PNPLA6: variants seen among roughly 807,000 people sequenced by gnomAD.
PNPLA6 encodes patatin like domain 6, lysophospholipase.
A neutral mutation model predicts 153.7 loss-of-function variants in PNPLA6; 105 were observed. The ratio of observed to expected loss-of-function variants is 0.68; its 90% CI spans 0.58 to 0.80. The LOEUF is 0.80. Among genes scored for constraint, PNPLA6 ranks in the 30% least tolerant of loss-of-function variants. The probability of loss-of-function intolerance (pLI) is 0.00; values close to 1 mark genes in which losing one functional copy is unlikely to be tolerated. For missense variants in PNPLA6, 1,423 were observed against 1,919.3 expected (o/e 0.74, Z 4.83); for synonymous variants, 825 against 822.2 (o/e 1.00, Z -0.06).
chr19:7,543,045 C>T lies in PNPLA6; in HGVS notation c.1569C>T (p.His523=), dbSNP rs753311777. The part of the protein sequence containing the change: ...SLLNSRVLLH[H]AKAGTIIARQ... ...TGAACAGCAGAGTCTTGCTGCACCA[C>T]GCCAAAGCTGGCACCATCATTGCCC... The change falls in exon 13 of 32, where the codon CAC becomes CAT. Residue 523 remains histidine, a synonymous_variant. Coordinates refer to ENST00000600737, the MANE Select transcript of PNPLA6 (RefSeq NM_001166114.2). 1.2e-5 allele frequency: 19 copies of T among 1,613,916 alleles called. No individual in the cohort carries two copies. In the Admixed American group the frequency reaches 1.3e-4, roughly 11 times the overall value.
rs756231007 is a variant in PNPLA6 at position 7,542,758 on chromosome 19, C to T, written c.1363-3C>T. 1 of 1,612,952 alleles carries T rather than the reference C, an allele frequency of 6.2e-7. No individual in the cohort carries two copies. The highest frequency in any genetic ancestry group is 8.5e-7 in the Non-Finnish European group (1 of 1,179,928). On this transcript the variant is annotated splice_region_variant and splice_polypyrimidine_tract_variant and intron_variant, in intron 11 of 31. Coordinates refer to ENST00000600737, the MANE Select transcript of PNPLA6 (RefSeq NM_001166114.2). The stretch of plus-strand genomic sequence containing the variant: ...CAGGAGGTCACAAGCCTGCCCCACT[C>T]AGACCCCCACTCAGGAGCCTCGTGA...
chr19:7,540,252 G>T lies in PNPLA6; in HGVS notation c.658G>T (p.Asp220Tyr). ...GDYVFRPGQP[D>Y]ASIYVVQDGL... is the part of the protein sequence containing the mutation. ...CTACGTCTTCCGGCCGGGCCAGCCA[G>T]ATGCCAGCATCTACGTGGTGCAGGA... Residue 220 changes from aspartate (D) to tyrosine (Y), a missense_variant, in exon 5 of 32, where the codon GAT becomes TAT. Around this residue, in one of 10 missense-constraint regions of PNPLA6, gnomAD observed 118 missense variants for 158.8 expected, o/e 0.74. Coordinates refer to ENST00000600737, the MANE Select transcript of PNPLA6 (RefSeq NM_001166114.2). This position sits in a 1 kb window ranked among gnomAD's most constrained non-coding sequence, Gnocchi z 6.8. 6.2e-7 allele frequency: 1 copy of T among 1,609,368 alleles called. No individual in the cohort carries two copies.
rs575912353 is a variant in PNPLA6 at position 7,537,143 on chromosome 19, T to C, written c.413+597T>C. ...TCAATATCTCAGAGGTCTTGCCATA[T>C]ACTTAGTGGGGGGGTCTACATCAGG... On this transcript the variant is annotated intron_variant, in intron 3 of 31. Coordinates refer to ENST00000600737, the MANE Select transcript of PNPLA6 (RefSeq NM_001166114.2). Among the ~76,000 whole-genome samples, 6 of 152,216 alleles carry C rather than the reference T, an allele frequency of 3.9e-5. No individual in the cohort carries two copies. The East Asian group carries it at 1.2e-3, about 29-fold the overall frequency.
intron 27 of PNPLA6, 151 bp downstream of exon 27, chr19:7,557,435 C>T (rs1301567708): frequency 2.9e-6 from 2 of 689,876 alleles, no homozygotes; most frequent in Non-Finnish European, 5.3e-6. Context: ...CACATACGAT[C>T]ACTTGCACAA....
rs1487510973 is a variant in PNPLA6, at chr19:7,555,769, T to C, written c.3093+6T>C. 1.9e-6 allele frequency: 3 copies of C among 1,612,986 alleles called. No homozygotes were observed. The highest frequency in any genetic ancestry group is 2.5e-6 in the Non-Finnish European group (3 of 1,179,812). On this transcript the variant is annotated splice_donor_region_variant and intron_variant, in intron 24 of 31. Coordinates refer to ENST00000600737, the MANE Select transcript of PNPLA6 (RefSeq NM_001166114.2). This position sits in a 1 kb window ranked among gnomAD's most constrained non-coding sequence, Gnocchi z 6.3. Reference sequence around the variant, plus strand: ...GGGCCCGGGAGTGGGCCAAGGTGTGTGTTGCGAGGAGGGATTGCTGCACCC... The same window carrying C: ...GGGCCCGGGAGTGGGCCAAGGTGTGCGTTGCGAGGAGGGATTGCTGCACCC...
At chr19:7,546,511 G>A (rs959805949) in intron 13 of PNPLA6, among the ~76,000 whole-genome samples, 2 of 152,180 alleles carry the variant, frequency 1.3e-5, no homozygotes, top group Non-Finnish European at 1.5e-5. Context: ...GCGCATGCCT[G>A]TAGTCCCAGC....
At chr19:7,561,346 A>C in intron 31 of PNPLA6, 29 bp downstream of exon 31, 1 of 1,527,080 alleles carries the variant, frequency 6.5e-7, no homozygotes, top group Non-Finnish European at 9.0e-7. Context: ...GGGTCCCCTC[A>C]CATCCCCCAG....
At chr19:7,549,768 T>G in intron 13 of PNPLA6, 139 bp from the exon 14 acceptor site, 2 of 830,876 alleles carry the variant, frequency 2.4e-6, no homozygotes, top group Non-Finnish European at 3.9e-6. Flanking sequence ...ATTACAGCCG[T>G]GAGCCACCGC....
Position 7,556,392 on chromosome 19 carries a change from T to C in PNPLA6, c.3094-61T>C, listed in dbSNP as rs555332354. 302 of 1,026,664 alleles carry C rather than the reference T, an allele frequency of 2.9e-4. 2 individuals carry two copies. In the Middle Eastern group the frequency reaches 8.4e-3, roughly 29 times the overall value. The allele number at this position is 1,026,664 out of a possible 1,614,324, so 63.6% of individuals were successfully genotyped here. A position where few individuals can be genotyped will look rare whatever the true frequency, so the allele number is the denominator to read the frequency against. On this transcript the variant is annotated intron_variant, in intron 24 of 31. Transcript: ENST00000600737. ...GTGCTGCTTGCTCACCCCCTATTGA[T>C]GAACCTTATCTGTGACCCCATGTAA...
At chr19:7,539,687 G>A (rs1178891687) in intron 3 of PNPLA6, among the ~76,000 whole-genome samples, 3 of 151,568 alleles carry the variant, frequency 2.0e-5, no homozygotes, top group African/African-American at 7.3e-5. Flanking sequence ...AACCCTGGAG[G>A]TGGAGGTTGC....
upstream of PNPLA6, chr19:7,535,229 C>T (rs367673787): frequency 2.7e-3 from 1,496 of 555,528 alleles, 8 homozygotes; most frequent in South Asian, 0.011. This position sits in a 1 kb window ranked among gnomAD's most constrained non-coding sequence, Gnocchi z 5.0. Context: ...CCTTTGGCCC[C>T]GGGGTGGGGT....
chr19:7,537,670 T>G (rs1029469413), intron 3 of PNPLA6, among the ~76,000 whole-genome samples: 1 of 152,056 alleles, frequency 6.6e-6, no homozygotes, highest in Admixed American at 6.6e-5. Flanking sequence ...TGAGATGGAG[T>G]CTTGCTCTGT....
chr19:7,555,170 C>T lies in PNPLA6; in HGVS notation c.2818-79C>T, dbSNP rs898714639. 22 of 1,519,500 alleles carry T rather than the reference C, an allele frequency of 1.4e-5. No homozygotes were observed. Among genetic ancestry groups the T allele is most frequent in the Non-Finnish European group, 1.8e-5 (20 of 1,122,572 alleles). The allele number at this position is 1,519,500 out of a possible 1,614,324, so 94.1% of individuals were successfully genotyped here. Reference sequence around the variant, plus strand: ...GGCCTGGGAGGGCTGAGGACAGGCTCGAAGGTCAGGGTACCCCTGGGGGAT... The same window carrying T: ...GGCCTGGGAGGGCTGAGGACAGGCTTGAAGGTCAGGGTACCCCTGGGGGAT... On this transcript the variant is annotated intron_variant, in intron 22 of 31. Coordinates refer to ENST00000600737, the MANE Select transcript of PNPLA6 (RefSeq NM_001166114.2). This position sits in a 1 kb window ranked among gnomAD's most constrained non-coding sequence, Gnocchi z 6.3.
intron 17 of PNPLA6, 121 bp downstream of exon 17, chr19:7,551,228 AGAGT>A (rs2023634896): frequency 3.9e-6 from 3 of 762,550 alleles, no homozygotes; most frequent in Non-Finnish European, 6.3e-6. Context: ...CCGAAGCGAG[AGAGT>A]GAGGGCGGGG....
chr19:7,541,469 T>A lies in PNPLA6; in HGVS notation c.1005+35T>A. Reference sequence around the variant, plus strand: ...TGGCGGGGAGCGAGCACAGGGGGGATGGGGGCGAGGTCTCCCTCCCAGGAC... The same window carrying A: ...TGGCGGGGAGCGAGCACAGGGGGGAAGGGGGCGAGGTCTCCCTCCCAGGAC... On this transcript the variant is annotated intron_variant, in intron 8 of 31. Coordinates refer to ENST00000600737, the MANE Select transcript of PNPLA6 (RefSeq NM_001166114.2). This position sits in a 1 kb window ranked among gnomAD's most constrained non-coding sequence, Gnocchi z 5.2. 1 of 1,612,354 alleles carries A rather than the reference T, an allele frequency of 6.2e-7. No individual in the cohort carries two copies. Among genetic ancestry groups the A allele is most frequent in the Non-Finnish European group, 8.5e-7 (1 of 1,178,840 alleles).
At chr19:7,547,105 A>G (rs367672774) in intron 13 of PNPLA6, among the ~76,000 whole-genome samples, 2 of 152,082 alleles carry the variant, frequency 1.3e-5, no homozygotes, top group African/African-American at 4.8e-5. Context: ...CGGTTTCACC[A>G]TATTGGTCAG....
At chr19:7,542,715 G>T in intron 11 of PNPLA6, 45 bp downstream of exon 11, 1 of 1,612,734 alleles carries the variant, frequency 6.2e-7, no homozygotes, top group African/African-American at 1.3e-5. Flanking sequence ...GCAGGGGAAG[G>T]TGGCTGGGAG....
rs148139925 is a variant in PNPLA6, at chr19:7,540,546, C to T, written c.715-84C>T. 503 of 1,167,790 alleles carry T rather than the reference C, an allele frequency of 4.3e-4. 2 individuals carry two copies. Among genetic ancestry groups the T allele is most frequent in the Middle Eastern group, 3.7e-3 (19 of 5,136 alleles). The allele number at this position is 1,167,790 out of a possible 1,614,324, so 72.3% of individuals were successfully genotyped here. ...TCCCCTGAGAAGGGATGAGAAGTGTCAGTGATCATTGGGATGGATGAGGGG... is the reference window on the plus strand; with the variant it reads ...TCCCCTGAGAAGGGATGAGAAGTGTTAGTGATCATTGGGATGGATGAGGGG... On this transcript the variant is annotated intron_variant, in intron 5 of 31. Transcript: ENST00000600737. The surrounding 1 kb of genome is among the most constrained non-coding windows in gnomAD (Gnocchi z 6.8).
At chr19:7,551,558 C>T (rs2023652359) in intron 18 of PNPLA6, 121 bp downstream of exon 18, 5 of 883,954 alleles carry the variant, frequency 5.7e-6, no homozygotes, top group Admixed American at 2.0e-5. Context: ...GAAATCGTGC[C>T]CCTGAGGGTT....
Sources: allele counts gnomAD v4.1 joint callset (sites outside exome capture counted in the v4.1 genomes callset), GRCh38; gene constraint gnomAD v4.1.1; regional missense constraint gnomAD v4.1.1; non-coding constraint Gnocchi (gnomAD v3.1); transcripts MANE v1.5; gene names NCBI Gene and HGNC (gene_info 2026-07-23, HGNC 2026-07-21).